The following ADGRL2 variants were observed in gnomAD, a reference collection of about 807,000 sequenced individuals.
The protein encoded by ADGRL2 is calcium-independent alpha-latrotoxin receptor 2.
In ADGRL2, 44 loss-of-function variants were observed where a neutral mutation model predicts 157.4. That is an observed-to-expected ratio of 0.28 (90% CI 0.22 to 0.36). The LOEUF (loss-of-function observed/expected upper bound fraction) is 0.36. ADGRL2 is among the 10% of genes least tolerant of loss of function. ADGRL2 has a pLI of 1.00. For synonymous variants in ADGRL2, 585 were observed against 624.7 expected (o/e 0.94, Z 0.95); for missense variants, 1,510 against 1,768.9 (o/e 0.85, Z 2.63).
chr1:81,583,875 AACTTG>A (rs2080968647), intron 3 of ADGRL2, among the ~76,000 whole-genome samples: 1 of 105,514 alleles, frequency 9.5e-6, no homozygotes, highest in Non-Finnish European at 2.4e-5. Context: ...TTATTCTCTT[AACTTG>A]ACTTGCTTTT....
chr1:81,903,916 A>C (rs1229754681), intron 2 of ADGRL2, among the ~76,000 whole-genome samples: 3 of 151,422 alleles, frequency 2.0e-5, no homozygotes, highest in Non-Finnish European at 4.4e-5. Flanking sequence ...GTCTTATGAC[A>C]ATTCCAGTGA....
At chr1:81,397,446 A>C (rs2076676365) in intron 1 of ADGRL2, among the ~76,000 whole-genome samples, 3 of 150,634 alleles carry the variant, frequency 2.0e-5, no homozygotes. Flanking sequence ...CAGCCTCCCA[A>C]GTAGCTGAGA....
intron 2 of ADGRL2, among the ~76,000 whole-genome samples, chr1:81,509,154 A>G (rs970819081): frequency 6.6e-6 from 1 of 152,192 alleles, no homozygotes; most frequent in Non-Finnish European, 1.5e-5. Flanking sequence ...GGAGTATGGT[A>G]CTTCCACTGC....
intron 1 of ADGRL2, among the ~76,000 whole-genome samples, chr1:81,357,416 C>T (rs931512869): frequency 1.2e-4 from 18 of 152,046 alleles, no homozygotes; most frequent in Non-Finnish European, 7.3e-5. Context: ...TTTGCTAAGC[C>T]CTCTATATCC....
chr1:81,737,425 A>G (rs2084939335), intron 1 of ADGRL2, among the ~76,000 whole-genome samples: 1 of 152,130 alleles, frequency 6.6e-6, no homozygotes. Flanking sequence ...TCTTGTGAGA[A>G]CTAATTCACC....
chr1:81,801,152 T>G (rs72717719), intron 1 of ADGRL2, among the ~76,000 whole-genome samples, 84 bp downstream of exon 1: 11,124 of 152,166 alleles, frequency 0.073, 510 homozygotes, highest in South Asian at 0.16. Context: ...AAACGGCCAT[T>G]GGGCGACAAT....
At chr1:81,588,900 C>T (rs1487811714) in intron 3 of ADGRL2, among the ~76,000 whole-genome samples, 1 of 152,132 alleles carries the variant, frequency 6.6e-6, no homozygotes, top group Non-Finnish European at 1.5e-5. Context: ...TTTAAGTTTA[C>T]TGAGACTTTT....
chr1:81,626,522 C>A (rs1397594450), intron 3 of ADGRL2, among the ~76,000 whole-genome samples: 1 of 152,222 alleles, frequency 6.6e-6, no homozygotes, highest in Non-Finnish European at 1.5e-5. Flanking sequence ...AATCTGCCCC[C>A]CTCGGCTTCC....
intron 1 of ADGRL2, among the ~76,000 whole-genome samples, chr1:81,422,256 T>C (rs1447128984): frequency 6.6e-6 from 1 of 152,220 alleles, no homozygotes; most frequent in Non-Finnish European, 1.5e-5. Flanking sequence ...CAAACAATTT[T>C]TTTTTTGAGA....
intron 2 of ADGRL2, among the ~76,000 whole-genome samples, chr1:81,489,267 A>T (rs535506258): frequency 1.3e-5 from 2 of 152,092 alleles, no homozygotes; most frequent in South Asian, 2.1e-4. Context: ...AATAAAATAG[A>T]TGGAAAATCT....
rs571122439 is a variant in ADGRL2, at chr1:81,912,217, G to A, written c.287+4987G>A. On this transcript the variant is annotated intron_variant, in intron 3 of 23. Coordinates refer to ENST00000686636, the MANE Select transcript of ADGRL2 (RefSeq NM_001366006.2). ...CTCCCAAGTAGCTGGGATTATAGGC[G>A]CGCACCACTGTGCCCGGCTAATTTT... Among the ~76,000 whole-genome samples the A allele has an allele frequency of 1.3e-4, 20 of 151,710 alleles. 1 individual carries two copies. The highest frequency in any genetic ancestry group is 1.0e-3 in the South Asian group (5 of 4,808).
At chr1:81,322,200 A>T (rs1046109106) in intron 1 of ADGRL2, among the ~76,000 whole-genome samples, 3 of 150,438 alleles carry the variant, frequency 2.0e-5, no homozygotes, top group South Asian at 4.2e-4. Context: ...ATACATATAT[A>T]TATACGCACA....
intron 2 of ADGRL2, among the ~76,000 whole-genome samples, chr1:81,850,097 C>G (rs528798643): frequency 6.6e-6 from 1 of 151,960 alleles, no homozygotes; most frequent in East Asian, 1.9e-4. Context: ...ACACCTTTAC[C>G]AGAATGAAAG....
chr1:81,377,750 T>C (rs1370858632), intron 1 of ADGRL2, among the ~76,000 whole-genome samples: 1 of 152,018 alleles, frequency 6.6e-6, no homozygotes, highest in Non-Finnish European at 1.5e-5. Context: ...TTTAAAGTGT[T>C]ACACCCTTTT....
At chr1:81,407,841 G>A (rs1460451722) in intron 1 of ADGRL2, among the ~76,000 whole-genome samples, 1 of 152,154 alleles carries the variant, frequency 6.6e-6, no homozygotes, top group Admixed American at 6.5e-5. Context: ...GTTGAAGGGG[G>A]GCTGTTTCAT....
chr1:81,668,802 A>C (rs764511563), intron 3 of ADGRL2, among the ~76,000 whole-genome samples: 2 of 151,338 alleles, frequency 1.3e-5, no homozygotes, highest in Non-Finnish European at 2.9e-5. Context: ...ACTCCTGACC[A>C]CTAGTGATCT....
At chr1:81,454,480 G>C (rs1030969802) in intron 2 of ADGRL2, among the ~76,000 whole-genome samples, 3 of 152,022 alleles carry the variant, frequency 2.0e-5, no homozygotes, top group Admixed American at 6.6e-5. Flanking sequence ...GGCTCCACTG[G>C]TGTCATTGAT....
At chr1:81,593,131 T>C (rs1409253889) in intron 3 of ADGRL2, among the ~76,000 whole-genome samples, 2 of 152,228 alleles carry the variant, frequency 1.3e-5, no homozygotes, top group Non-Finnish European at 2.9e-5. Context: ...TGTTATCACT[T>C]TTCTTAGCCC....
chr1:81,544,424 T>A (rs1232252366), intron 2 of ADGRL2, among the ~76,000 whole-genome samples: 1 of 152,230 alleles, frequency 6.6e-6, no homozygotes, highest in East Asian at 1.9e-4. Context: ...TTATAGTTAC[T>A]TATGTCTTCG....
Sources: allele counts gnomAD v4.1 joint callset (sites outside exome capture counted in the v4.1 genomes callset), GRCh38; gene constraint gnomAD v4.1.1; transcripts MANE v1.5; gene names NCBI Gene and HGNC (gene_info 2026-07-23, HGNC 2026-07-21).